The following KDM6A variants were observed in gnomAD, a reference collection of about 807,000 sequenced individuals.
KDM6A encodes the protein lysine demethylase 6A, also known as lysine-specific demethylase 6A.
Under a neutral mutation model 117.6 loss-of-function variants are expected in KDM6A, and 11 were observed. The observed-to-expected ratio is 0.09, with a 90% CI of 0.06 to 0.15. The LOEUF is 0.15. Ranked by LOEUF, KDM6A falls within the 10% of genes least tolerant of loss-of-function variation. The pLI, the probability that KDM6A is intolerant of heterozygous loss-of-function variation, is 1.00. For missense variants in KDM6A, 799 were observed against 1,077.3 expected (o/e 0.74, Z 3.62); for synonymous variants, 384 against 396.1 (o/e 0.97, Z 0.36).
chrX:44,986,872 A>T (rs2040255276), intron 4 of KDM6A, among the ~76,000 whole-genome samples: 1 of 111,915 alleles, frequency 8.9e-6, no homozygotes, highest in Non-Finnish European at 1.9e-5. Flanking sequence ...TGGTGCTGAG[A>T]AGAATGTATA....
intron 4 of KDM6A, among the ~76,000 whole-genome samples, chrX:44,981,921 T>TA (rs1005939598): frequency 9.0e-6 from 1 of 111,562 alleles, no homozygotes; most frequent in African/African-American, 3.3e-5. Context: ...TCATCTCCGC[T>TA]AAAAATACAA....
intron 2 of KDM6A, among the ~76,000 whole-genome samples, chrX:44,886,814 G>A (rs2032933637): frequency 9.0e-6 from 1 of 110,725 alleles, no homozygotes; most frequent in African/African-American, 3.3e-5. Context: ...GTATTTGTAA[G>A]ATTCATTTAT....
intron 4 of KDM6A, among the ~76,000 whole-genome samples, chrX:45,005,837 G>A (rs1207686618): frequency 1.8e-5 from 2 of 108,425 alleles, no homozygotes; most frequent in Non-Finnish European, 3.8e-5. Flanking sequence ...TCCCCCACTG[G>A]AAATTTCTCA....
intron 2 of KDM6A, among the ~76,000 whole-genome samples, chrX:44,919,426 C>A (rs913557828): frequency 4.5e-5 from 5 of 110,327 alleles, no homozygotes; most frequent in African/African-American, 1.6e-4. Context: ...ACTGGGGTTG[C>A]GAGTTTTTTG....
intron 3 of KDM6A, 150 bp from the exon 4 acceptor site, chrX:44,974,516 A>T (rs2039524330): frequency 4.3e-6 from 2 of 470,523 alleles, no homozygotes; most frequent in African/African-American, 2.4e-5. Flanking sequence ...TTCTGAACTG[A>T]GGGGGGCCCA....
chrX:44,965,523 G>A (rs770660368), intron 3 of KDM6A, among the ~76,000 whole-genome samples: 1 of 111,542 alleles, frequency 9.0e-6, no homozygotes, highest in Non-Finnish European at 1.9e-5. Context: ...TAATTTCAAT[G>A]TTGTCATGTA....
intron 2 of KDM6A, among the ~76,000 whole-genome samples, chrX:44,919,769 C>G (rs2035793486): frequency 9.1e-6 from 1 of 109,498 alleles, no homozygotes; most frequent in Non-Finnish European, 1.9e-5. Flanking sequence ...ACCACCATGC[C>G]CAGCTAATTT....
intron 4 of KDM6A, among the ~76,000 whole-genome samples, chrX:44,978,298 T>A (rs2039715976): frequency 8.9e-6 from 1 of 112,784 alleles, no homozygotes; most frequent in Admixed American, 9.4e-5. Flanking sequence ...ATATATTTTT[T>A]AAAAATTCAT....
chrX:44,966,577 G>C (rs1264531918), intron 3 of KDM6A, among the ~76,000 whole-genome samples: 16 of 111,117 alleles, frequency 1.4e-4, no homozygotes, highest in Non-Finnish European at 5.7e-5. Context: ...ATCTAGTAAG[G>C]TGAGAGAAGA....
chrX:45,049,609 G>C (rs2043743734), intron 8 of KDM6A, among the ~76,000 whole-genome samples: 1 of 111,641 alleles, frequency 9.0e-6, no homozygotes. Context: ...CATTTGTTAA[G>C]ATAATTCATG....
rs2046800644 is a variant in KDM6A, at chrX:45,112,765, T to TAA, written c.*1355_*1356insAA. On this transcript the variant is annotated 3_prime_UTR_variant, in exon 30 of 30. Coordinates refer to ENST00000611820, the MANE Select transcript of KDM6A (RefSeq NM_001291415.2). The stretch of plus-strand genomic sequence containing the variant: ...TAGAATGCAAATAAATTAAGAGACT[T>TAA]ATTTTTTAATGTTAGGCAGTTTTGA... Among the ~76,000 whole-genome samples the TAA allele has an allele frequency of 1.8e-5, 2 of 111,249 alleles. No individual in the cohort carries two copies. Among genetic ancestry groups the TAA allele is most frequent in the South Asian group, 7.6e-4 (2 of 2,632 alleles).
Position 45,050,269 on chromosome X carries a change from G to A in KDM6A, c.655-1440G>A, listed in dbSNP as rs762625712. On this transcript the variant is annotated intron_variant, in intron 8 of 29. Coordinates refer to ENST00000611820, the MANE Select transcript of KDM6A (RefSeq NM_001291415.2). The stretch of plus-strand genomic sequence containing the variant: ...CAGGAGAATTCACTTGAACCCGGGA[G>A]GCGGAGGTTGCAGTGAACTGAGATC... Among the ~76,000 whole-genome samples the A allele has an allele frequency of 3.5e-5, 4 of 112,781 alleles. No individual in the cohort carries two copies. In the South Asian group the frequency reaches 1.4e-3, roughly 41 times the overall value.
At chrX:44,891,538 A>G (rs763144769) in intron 2 of KDM6A, among the ~76,000 whole-genome samples, 2 of 112,194 alleles carry the variant, frequency 1.8e-5, no homozygotes, top group East Asian at 5.6e-4. Context: ...CTGTCATTGT[A>G]TAGTAGGTCT....
chrX:45,034,360 A>T (rs2042724932), intron 6 of KDM6A, among the ~76,000 whole-genome samples: 1 of 112,118 alleles, frequency 8.9e-6, no homozygotes, highest in Admixed American at 9.5e-5. Flanking sequence ...ATATAATGTC[A>T]CATTGTAAAA....
chrX:45,024,086 T>A (rs1303453789), intron 6 of KDM6A, among the ~76,000 whole-genome samples: 3 of 112,426 alleles, frequency 2.7e-5, no homozygotes, highest in Non-Finnish European at 5.6e-5. Flanking sequence ...CAAATTGTGC[T>A]GCTATAAACA....
intron 2 of KDM6A, among the ~76,000 whole-genome samples, chrX:44,892,296 C>T (rs1053139193): frequency 8.9e-6 from 1 of 112,087 alleles, no homozygotes; most frequent in Non-Finnish European, 1.9e-5. Flanking sequence ...CGGTGGCTCA[C>T]GCCTTTAATC....
At chrX:45,066,197 G>A (rs2044524502) in intron 17 of KDM6A, among the ~76,000 whole-genome samples, 1 of 112,065 alleles carries the variant, frequency 8.9e-6, no homozygotes, top group Non-Finnish European at 1.9e-5. Flanking sequence ...TTGTTGGGGT[G>A]CAAAAGCCTA....
chrX:44,919,912 A>G (rs1475072801), intron 2 of KDM6A, among the ~76,000 whole-genome samples: 2 of 111,517 alleles, frequency 1.8e-5, no homozygotes, highest in Non-Finnish European at 3.8e-5. Context: ...GCCTGGCCCA[A>G]TTTGCCTTTT....
chrX:44,879,109 T>C (rs2031991646), intron 2 of KDM6A, among the ~76,000 whole-genome samples: 1 of 112,294 alleles, frequency 8.9e-6, no homozygotes, highest in Non-Finnish European at 1.9e-5. Context: ...TAAACCAAAA[T>C]GAAAGTTCAT....
Sources: gnomAD v4.1 joint callset for allele counts (sites outside exome capture counted in the v4.1 genomes callset) on GRCh38, gnomAD v4.1.1 for gene constraint, MANE v1.5 for transcripts, NCBI Gene and HGNC (gene_info 2026-07-23, HGNC 2026-07-21) for gene names.